PPARGC1A: variants seen among roughly 807,000 people sequenced by gnomAD.
The protein encoded by PPARGC1A is peroxisome proliferator-activated receptor gamma coactivator 1-alpha.
PPARGC1A carries 25 observed loss-of-function variants against 88.7 expected under a neutral mutation model. That is an observed-to-expected ratio of 0.28 (90% CI 0.21 to 0.39). PPARGC1A has a LOEUF of 0.39. Among genes scored for constraint, PPARGC1A ranks in the 10% least tolerant of loss-of-function variants. The probability of loss-of-function intolerance (pLI) is 1.00; values close to 1 mark genes in which losing one functional copy is unlikely to be tolerated. For missense variants in PPARGC1A, 880 were observed against 968.7 expected (o/e 0.91, Z 1.22); for synonymous variants, 363 against 355.6 (o/e 1.02, Z -0.24).
chr4:24,104,085 A>C, the PPARGC1A span, among the ~76,000 whole-genome samples: 1 of 152,224 alleles, frequency 6.6e-6, no homozygotes, highest in Admixed American at 6.5e-5. Context: ...ACTTGAAGAC[A>C]TTCTGAAAAA....
chr4:24,131,149 G>C, the PPARGC1A span, among the ~76,000 whole-genome samples: 1 of 151,948 alleles, frequency 6.6e-6, no homozygotes, highest in African/African-American at 2.4e-5. Flanking sequence ...TTAGTACCTA[G>C]CACAGTGCCA....
At chr4:24,321,909 T>TA in the PPARGC1A span, among the ~76,000 whole-genome samples, 1 of 152,024 alleles carries the variant, frequency 6.6e-6, no homozygotes, top group African/African-American at 2.4e-5. Flanking sequence ...GACTTGTTCG[T>TA]AAAAAAGAAA....
chr4:24,094,674 T>C, the PPARGC1A span, among the ~76,000 whole-genome samples: 1 of 152,216 alleles, frequency 6.6e-6, no homozygotes, highest in Non-Finnish European at 1.5e-5. Flanking sequence ...AATGTAGCTC[T>C]ATATGAATTC....
At chr4:24,307,607 C>T in the PPARGC1A span, among the ~76,000 whole-genome samples, 1 of 152,124 alleles carries the variant, frequency 6.6e-6, no homozygotes, top group African/African-American at 2.4e-5. Flanking sequence ...CCTTGTGAAG[C>T]ACTTAAAGAC....
intron 2 of PPARGC1A, among the ~76,000 whole-genome samples, chr4:23,880,386 C>T (rs948802299): frequency 6.6e-6 from 1 of 152,144 alleles, no homozygotes; most frequent in Non-Finnish European, 1.5e-5. Context: ...ACATGAAGAT[C>T]AACTCACTCA....
In PPARGC1A at chr4:23,828,504, T is replaced by C. The variant is rs1724403914; in HGVS notation, c.653A>G (p.Asp218Gly). 2 of 1,614,098 alleles carry C rather than the reference T, an allele frequency of 1.2e-6. No individual in the cohort carries two copies. Among genetic ancestry groups the C allele is most frequent in the Non-Finnish European group, 1.7e-6 (2 of 1,179,970 alleles). ...TGTGGGTTTGGTGTGAGGAGGGTCATCGTTTGTGGTCAGATATTTGAGAAG... is the reference window on the plus strand; with the variant it reads ...TGTGGGTTTGGTGTGAGGAGGGTCACCGTTTGTGGTCAGATATTTGAGAAG... ...SELLKYLTTNDDPPHTKPTEN... is the reference protein window; with the variant it reads ...SELLKYLTTNGDPPHTKPTEN... The change falls in exon 5 of 13, where the codon GAT (aspartate) becomes GGT (glycine). Residue 218 changes from aspartate to glycine, a missense_variant. Coordinates refer to ENST00000264867, the MANE Select transcript of PPARGC1A (RefSeq NM_013261.5).
At chr4:24,176,099 G>A in the PPARGC1A span, among the ~76,000 whole-genome samples, 1 of 152,156 alleles carries the variant, frequency 6.6e-6, no homozygotes, top group Non-Finnish European at 1.5e-5. Context: ...ACTTCTCAGA[G>A]CTTTTAGACC....
the PPARGC1A span, among the ~76,000 whole-genome samples, chr4:23,980,203 A>G: frequency 6.6e-5 from 10 of 152,016 alleles, no homozygotes; most frequent in East Asian, 1.9e-4. Context: ...AAAAAAAAAA[A>G]AAAAAATGGA....
chr4:24,386,928 G>A, the PPARGC1A span, among the ~76,000 whole-genome samples: 1 of 152,118 alleles, frequency 6.6e-6, no homozygotes, highest in Non-Finnish European at 1.5e-5. Context: ...AGCCCGTATA[G>A]CAAAGACAAT....
At chr4:24,434,505 T>A in the PPARGC1A span, among the ~76,000 whole-genome samples, 1 of 152,192 alleles carries the variant, frequency 6.6e-6, no homozygotes, top group African/African-American at 2.4e-5. Flanking sequence ...CAGTGAAAGT[T>A]TCCAGGCGAT....
At chr4:23,815,087 AATCTACC>A (rs1262129247) in intron 7 of PPARGC1A, among the ~76,000 whole-genome samples, 1 of 151,538 alleles carries the variant, frequency 6.6e-6, no homozygotes, top group African/African-American at 2.4e-5. Context: ...CAATCAAGAG[AATCTACC>A]CTTGGAGCCA....
intron 9 of PPARGC1A, 65 bp downstream of exon 9, chr4:23,812,956 G>A (rs371368502): frequency 3.7e-5 from 59 of 1,612,036 alleles, no homozygotes; most frequent in Non-Finnish European, 4.9e-5. Context: ...TAGGGTTTTG[G>A]AGAACATCTT....
At chr4:24,101,553 G>T in the PPARGC1A span, among the ~76,000 whole-genome samples, 1 of 152,088 alleles carries the variant, frequency 6.6e-6, no homozygotes, top group Non-Finnish European at 1.5e-5. Context: ...TTTACACATT[G>T]TACGCATGTA....
chr4:23,806,063 G>T (rs1719750634), intron 10 of PPARGC1A, among the ~76,000 whole-genome samples: 1 of 152,080 alleles, frequency 6.6e-6, no homozygotes, highest in Non-Finnish European at 1.5e-5. Flanking sequence ...ATAACCTAGA[G>T]GGGAGAAACA....
the PPARGC1A span, among the ~76,000 whole-genome samples, chr4:24,329,320 C>T: frequency 6.6e-6 from 1 of 151,894 alleles, no homozygotes; most frequent in East Asian, 1.9e-4. Context: ...TCAAATACCA[C>T]CATTCCAGTG....
the PPARGC1A span, among the ~76,000 whole-genome samples, chr4:24,051,031 C>CAA: frequency 6.6e-6 from 1 of 150,810 alleles, no homozygotes; most frequent in East Asian, 2.0e-4. Context: ...ACTAAAAGTA[C>CAA]AAAAAAAATA....
At chr4:24,332,932 G>A in the PPARGC1A span, among the ~76,000 whole-genome samples, 1 of 152,172 alleles carries the variant, frequency 6.6e-6, no homozygotes, top group Non-Finnish European at 1.5e-5. Flanking sequence ...AAGAACAGAT[G>A]AGTAAATACT....
At chr4:24,393,358 G>A in the PPARGC1A span, among the ~76,000 whole-genome samples, 1 of 149,664 alleles carries the variant, frequency 6.7e-6, no homozygotes, top group Non-Finnish European at 1.5e-5. Flanking sequence ...AAGCCACGGA[G>A]ATAGATTGAG....
chr4:24,148,046 A>G, the PPARGC1A span, among the ~76,000 whole-genome samples: 1 of 152,182 alleles, frequency 6.6e-6, no homozygotes, highest in African/African-American at 2.4e-5. Context: ...TCCAGTCCCC[A>G]GTTTCTTAGA....
Sources: allele counts gnomAD v4.1 joint callset (sites outside exome capture counted in the v4.1 genomes callset), GRCh38; gene constraint gnomAD v4.1.1; transcripts MANE v1.5; gene names NCBI Gene and HGNC (gene_info 2026-07-23, HGNC 2026-07-21).